MICU2: variants seen among roughly 807,000 people sequenced by gnomAD.
The protein encoded by MICU2 is calcium uptake protein 2, mitochondrial.
A neutral mutation model predicts 60.4 loss-of-function variants in MICU2; 64 were observed. That is an observed-to-expected ratio of 1.06 (90% confidence interval 0.87 to 1.31). The LOEUF is 1.31. Among genes scored for constraint, MICU2 ranks in the 50% most tolerant of loss-of-function variants. The pLI, the probability that MICU2 is intolerant of heterozygous loss-of-function variation, is 0.00. For missense variants in MICU2, 569 were observed against 531.0 expected, an observed-to-expected ratio of 1.07 and a Z score of -0.70; for synonymous variants, 201 against 175.0, an observed-to-expected ratio of 1.15 and a Z score of -1.17.
chr13:21,574,560 T>A (rs779313030), intron 1 of MICU2, among the ~76,000 whole-genome samples: 34 of 152,220 alleles, frequency 2.2e-4, no homozygotes, highest in Non-Finnish European at 4.1e-4. Context: ...TTTTTATCCA[T>A]GAAGTGACAT....
At chr13:21,539,729 TGGTAA>T in intron 2 of MICU2, 41 bp from the exon 3 acceptor site, 1 of 1,579,348 alleles carries the variant, frequency 6.3e-7, no homozygotes, top group Non-Finnish European at 8.7e-7. Context: ...CCATATTCTT[TGGTAA>T]AACTCAACTT....
In MICU2 at chr13:21,566,784, A is replaced by G; in HGVS notation, c.358+13T>C. The G allele has an allele frequency of 6.6e-7, 1 of 1,522,114 alleles. No homozygotes were observed. The allele number at this position is 1,522,114 out of a possible 1,614,324, so 94.3% of individuals were successfully genotyped here. A position where few individuals can be genotyped will look rare whatever the true frequency, so the allele number is the denominator to read the frequency against. On this transcript the variant is annotated intron_variant, in intron 2 of 11. Coordinates refer to ENST00000382374, the MANE Select transcript of MICU2 (RefSeq NM_152726.3). The stretch of plus-strand genomic sequence containing the variant: ...TGATTTTTTTAATTAAAAAAAAAAA[A>G]GACCCAACTCACGTTCCATTTGCTC...
Position 21,593,501 on chromosome 13 carries a change from T to TA in MICU2, c.210+10437dup, listed in dbSNP as rs71093337. On this transcript the variant is annotated intron_variant, in intron 1 of 11. Coordinates refer to ENST00000382374, the MANE Select transcript of MICU2 (RefSeq NM_152726.3). ...CTATCATTGACACTCTTCCCAGAAT[T>TA]AAAAAAAAAACACAAAAACTATTTC... Among the ~76,000 whole-genome samples the TA allele has an allele frequency of 5.7e-3, 725 of 128,026 alleles. 13 individuals carry two copies. The highest frequency in any genetic ancestry group is 0.022 in the African/African-American group (663 of 30,672). The allele number at this position is 128,026 out of a possible 152,430, so 84.0% of individuals were successfully genotyped here.
At chr13:21,549,215 T>G (rs139547787) in intron 2 of MICU2, among the ~76,000 whole-genome samples, 1 of 152,036 alleles carries the variant, frequency 6.6e-6, no homozygotes, top group Non-Finnish European at 1.5e-5. Context: ...AGGCGTGAGC[T>G]AGCGTGCCCA....
At chr13:21,514,466 T>C in intron 6 of MICU2, 48 bp from the exon 7 acceptor site, 1 of 1,400,092 alleles carries the variant, frequency 7.1e-7, no homozygotes. Flanking sequence ...ACCAGATTTT[T>C]CAAAACAACC....
At chr13:21,496,623 T>C (rs1886003755) in intron 9 of MICU2, 1 of 158,094 alleles carries the variant, frequency 6.3e-6, no homozygotes, top group African/African-American at 2.4e-5. Context: ...CTGCCCTTTA[T>C]AACGTGTATG....
At position 21,539,336 on chromosome 13, in the gene MICU2, A is replaced by AGCTGTTTGGATCC; in HGVS notation, c.431_432insGGATCCAAACAGC (p.Cys144TrpfsTer16). On this transcript the variant is annotated frameshift_variant, in exon 4 of 12. Transcript: ENST00000382374. LOFTEE classifies it high-confidence loss of function. ...CAAGGTCTCTGAAAAAAGTTGATCC[A>AGCTGTTTGGATCC]CAGCCAGCTGTTTGGATCCCTGACA... is the stretch of plus-strand genomic sequence containing the variant. The AGCTGTTTGGATCC allele has an allele frequency of 1.2e-6, 2 of 1,614,056 alleles. No individual in the cohort carries two copies. Among genetic ancestry groups the AGCTGTTTGGATCC allele is most frequent in the Non-Finnish European group, 1.7e-6 (2 of 1,179,950 alleles).
intron 4 of MICU2, chr13:21,530,934 C>T (rs1886980822): frequency 1.3e-6 from 1 of 764,326 alleles, no homozygotes; most frequent in South Asian, 1.4e-5. Flanking sequence ...ATGTTGGCCC[C>T]AATCCTGTGG....
At chr13:21,517,108 T>C (rs1295088430) in intron 6 of MICU2, among the ~76,000 whole-genome samples, 1 of 152,238 alleles carries the variant, frequency 6.6e-6, no homozygotes, top group African/African-American at 2.4e-5. Context: ...TTTTACGAGT[T>C]CTTGGGATAA....
intron 8 of MICU2, among the ~76,000 whole-genome samples, chr13:21,507,682 C>T (rs1411849489): frequency 1.3e-5 from 2 of 150,926 alleles, no homozygotes; most frequent in African/African-American, 4.9e-5. Flanking sequence ...TGGCTCATTG[C>T]AACCTCTGCT....
chr13:21,597,241 G>A (rs1888714191), intron 1 of MICU2, among the ~76,000 whole-genome samples: 1 of 152,098 alleles, frequency 6.6e-6, no homozygotes, highest in Non-Finnish European at 1.5e-5. Context: ...CATATTTACT[G>A]CACCTACTAT....
chr13:21,581,067 G>C (rs1450740906), intron 1 of MICU2, among the ~76,000 whole-genome samples: 2 of 152,172 alleles, frequency 1.3e-5, no homozygotes, highest in East Asian at 3.8e-4. Flanking sequence ...GTAATATAGT[G>C]ACATAATCAA....
At chr13:21,575,983 G>T (rs1046746429) in intron 1 of MICU2, among the ~76,000 whole-genome samples, 1 of 152,128 alleles carries the variant, frequency 6.6e-6, no homozygotes, top group Non-Finnish European at 1.5e-5. Flanking sequence ...ATCTTACAGA[G>T]ATAAAATGGT....
At chr13:21,594,877 A>G (rs1475699148) in intron 1 of MICU2, among the ~76,000 whole-genome samples, 2 of 151,970 alleles carry the variant, frequency 1.3e-5, no homozygotes, top group African/African-American at 2.4e-5. Flanking sequence ...CGGGCCTGTT[A>G]GGGGGTGGGG....
chr13:21,548,961 C>G (rs1319759835), intron 2 of MICU2, among the ~76,000 whole-genome samples: 1 of 115,166 alleles, frequency 8.7e-6, no homozygotes, highest in African/African-American at 3.3e-5. Flanking sequence ...GAGTCTCCTT[C>G]TGTCACCCAG....
At chr13:21,603,861 GC>G (rs1254359219) in intron 1 of MICU2, 77 bp downstream of exon 1, 9 of 1,522,130 alleles carry the variant, frequency 5.9e-6, no homozygotes, top group African/African-American at 1.4e-5. Flanking sequence ...GCCGCCCAGA[GC>G]CAAACCACTC....
At chr13:21,517,799 A>ACACATGCGCG (rs1244489287) in intron 6 of MICU2, among the ~76,000 whole-genome samples, 1 of 136,332 alleles carries the variant, frequency 7.3e-6, no homozygotes, top group African/African-American at 3.1e-5. Flanking sequence ...ACACACACAC[A>ACACATGCGCG]CGCGCGCGCG....
intron 1 of MICU2, among the ~76,000 whole-genome samples, chr13:21,593,202 G>A (rs779019657): frequency 4.6e-5 from 7 of 152,090 alleles, no homozygotes; most frequent in Non-Finnish European, 8.8e-5. Context: ...AAAATCACAA[G>A]CACTCCTTTA....
At chr13:21,537,270 C>A (rs150237436) in intron 4 of MICU2, among the ~76,000 whole-genome samples, 1 of 152,148 alleles carries the variant, frequency 6.6e-6, no homozygotes, top group East Asian at 1.9e-4. Flanking sequence ...CCTAGCAAAT[C>A]CTAACTGTCC....
Sources: allele counts gnomAD v4.1 joint callset (sites outside exome capture counted in the v4.1 genomes callset), GRCh38; gene constraint gnomAD v4.1.1; transcripts MANE v1.5; gene names NCBI Gene and HGNC (gene_info 2026-07-23, HGNC 2026-07-21).